The following HCN1 variants were observed in gnomAD, a reference collection of about 807,000 sequenced individuals.
HCN1 encodes hyperpolarization activated cyclic nucleotide gated potassium channel 1, also known as potassium/sodium hyperpolarization-activated cyclic nucleotide-gated channel 1.
Under a neutral mutation model 78.9 loss-of-function variants are expected in HCN1, and 13 were observed. The observed-to-expected ratio is 0.16, with a 90% confidence interval of 0.11 to 0.26. The LOEUF is 0.26. Ranked by LOEUF, HCN1 falls within the 10% of genes least tolerant of loss-of-function variation. The pLI is 1.00. For synonymous variants in HCN1, 552 were observed against 455.5 expected, an observed-to-expected ratio of 1.21 and a Z score of -2.70; for missense variants, 810 against 1,154.3, an observed-to-expected ratio of 0.70 and a Z score of 4.32.
intron 3 of HCN1, among the ~76,000 whole-genome samples, chr5:45,414,876 A>C (rs570096130): frequency 1.3e-5 from 2 of 152,168 alleles, no homozygotes; most frequent in South Asian, 4.1e-4. Flanking sequence ...GCCATATGTA[A>C]AATGACTTGG....
intron 2 of HCN1, among the ~76,000 whole-genome samples, chr5:45,601,683 T>C (rs2111964907): frequency 6.6e-6 from 1 of 152,242 alleles, no homozygotes; most frequent in South Asian, 2.1e-4. Context: ...TTAGTTGTAT[T>C]CAGGCATTCT....
intron 4 of HCN1, among the ~76,000 whole-genome samples, chr5:45,371,524 C>T (rs1274992370): frequency 2.0e-5 from 3 of 151,392 alleles, no homozygotes; most frequent in Admixed American, 6.6e-5. Flanking sequence ...TTTGGGAAGC[C>T]GAGGTGGACA....
At chr5:45,618,025 AT>A (rs1469769437) in intron 2 of HCN1, among the ~76,000 whole-genome samples, 10 of 136,586 alleles carry the variant, frequency 7.3e-5, no homozygotes, top group African/African-American at 2.2e-4. Flanking sequence ...TCAGGAGCTC[AT>A]TATACTAGAA....
intron 3 of HCN1, among the ~76,000 whole-genome samples, chr5:45,445,315 C>T (rs995368654): frequency 3.9e-5 from 6 of 152,096 alleles, no homozygotes; most frequent in East Asian, 1.9e-4. Flanking sequence ...AACTGCAAGG[C>T]GGCAGTGAGG....
intron 6 of HCN1, among the ~76,000 whole-genome samples, chr5:45,289,944 AT>A (rs1431223485): frequency 6.6e-6 from 1 of 151,734 alleles, no homozygotes; most frequent in Non-Finnish European, 1.5e-5. Flanking sequence ...GCCTGTTTAT[AT>A]TGGGGCATGA....
intron 2 of HCN1, among the ~76,000 whole-genome samples, chr5:45,577,970 C>CA (rs1264491304): frequency 6.6e-6 from 1 of 151,954 alleles, no homozygotes; most frequent in African/African-American, 2.4e-5. Context: ...ATCTGTAATT[C>CA]ATGGTTTTTG....
At chr5:45,373,416 T>C (rs1010463355) in intron 4 of HCN1, among the ~76,000 whole-genome samples, 1 of 134,510 alleles carries the variant, frequency 7.4e-6, no homozygotes, top group African/African-American at 2.7e-5. Context: ...AAATATATTA[T>C]AATATATATC....
rs745670367 is a variant in HCN1 at position 45,696,213 on chromosome 5, C to CGCGGCG, written c.-126_-121dup. The CGCGGCG allele has an allele frequency of 2.1e-4, 86 of 407,242 alleles. 1 individual carries two copies. The highest frequency in any genetic ancestry group is 4.4e-4 in the African/African-American group (20 of 45,646). 25.2% of individuals were successfully genotyped at this position (407,242 alleles called of 1,614,324 possible). A position where few individuals can be genotyped will look rare whatever the true frequency, so the allele number is the denominator to read the frequency against. The stretch of plus-strand genomic sequence containing the variant: ...GCTGCCGGCGAGCCCAGCTGCCCGT[C>CGCGGCG]GCGGCGGCGGCGGCGGCGGCGGCGG... On this transcript the variant is annotated 5_prime_UTR_variant, in exon 1 of 8. Coordinates refer to ENST00000303230, the MANE Select transcript of HCN1 (RefSeq NM_021072.4).
chr5:45,665,260 G>C (rs1193274243), intron 1 of HCN1, among the ~76,000 whole-genome samples: 1 of 141,660 alleles, frequency 7.1e-6, no homozygotes, highest in Non-Finnish European at 1.5e-5. Flanking sequence ...AGAACACATG[G>C]ACACAGGAAG....
rs558591633 is a variant in HCN1 at position 45,500,757 on chromosome 5, C to T, written c.850-38750G>A. On this transcript the variant is annotated intron_variant, in intron 2 of 7. Transcript: ENST00000303230. ...AAATTAATAACTCTGGCATACTATC[C>T]TTAATTCATTCTGTTAGGGGATGTA... 1.2e-4 allele frequency among the ~76,000 whole-genome samples: 18 copies of T among 152,202 alleles called. No homozygotes were observed. In the East Asian group the frequency reaches 3.5e-3, roughly 29 times the overall value.
intron 4 of HCN1, among the ~76,000 whole-genome samples, chr5:45,380,822 G>T (rs908809296): frequency 6.6e-6 from 1 of 152,062 alleles, no homozygotes; most frequent in African/African-American, 2.4e-5. Context: ...AAACTTTCTG[G>T]AACCACGAGA....
At chr5:45,684,750 T>C (rs1300606472) in intron 1 of HCN1, among the ~76,000 whole-genome samples, 1 of 152,138 alleles carries the variant, frequency 6.6e-6, no homozygotes, top group Non-Finnish European at 1.5e-5. Context: ...TAATTCCAGT[T>C]ACTCTGGAAG....
At chr5:45,351,230 C>T (rs1029199106) in intron 5 of HCN1, among the ~76,000 whole-genome samples, 23 of 151,790 alleles carry the variant, frequency 1.5e-4, no homozygotes, top group African/African-American at 5.3e-4. Flanking sequence ...CGCATATCTA[C>T]AACTATCTGA....
chr5:45,267,269 A>G lies in HCN1; in HGVS notation c.1619-16T>C, dbSNP rs1744876831. 6.2e-7 allele frequency: 1 copy of G among 1,612,634 alleles called. No individual in the cohort carries two copies. The highest frequency in any genetic ancestry group is 8.5e-7 in the Non-Finnish European group (1 of 1,178,770). On this transcript the variant is annotated splice_polypyrimidine_tract_variant and intron_variant, in intron 6 of 7. Transcript: ENST00000303230. ...AGGCAAATCTCTATAAAAACAAACA[A>G]CAAAGAAGAATGACTTGTTTGATCA...
chr5:45,550,712 A>T (rs1743348787), intron 2 of HCN1, among the ~76,000 whole-genome samples: 1 of 152,022 alleles, frequency 6.6e-6, no homozygotes, highest in African/African-American at 2.4e-5. Context: ...TCATTGTGAA[A>T]CACATATATT....
chr5:45,298,670 G>A (rs1007550716), intron 6 of HCN1, among the ~76,000 whole-genome samples: 5 of 151,934 alleles, frequency 3.3e-5, no homozygotes, highest in Non-Finnish European at 5.9e-5. Context: ...TAATGAAAGA[G>A]AATAGGTAAA....
chr5:45,531,502 C>T (rs1286620312), intron 2 of HCN1, among the ~76,000 whole-genome samples: 2 of 152,140 alleles, frequency 1.3e-5, no homozygotes, highest in African/African-American at 4.8e-5. Context: ...TTTTAAAGAA[C>T]ACCCTCTGTT....
At chr5:45,526,555 G>A (rs1399244715) in intron 2 of HCN1, among the ~76,000 whole-genome samples, 1 of 152,052 alleles carries the variant, frequency 6.6e-6, no homozygotes, top group Non-Finnish European at 1.5e-5. Context: ...TGTGCCTACT[G>A]ACCCAGCCAA....
At position 45,372,668 on chromosome 5, in the gene HCN1, A is replaced by AC. The variant is rs1475536220; in HGVS notation, c.1231-19423_1231-19422insG. On this transcript the variant is annotated intron_variant, in intron 4 of 7. Coordinates refer to ENST00000303230, the MANE Select transcript of HCN1 (RefSeq NM_021072.4). ...AAAAATATATAAAACATTTATATAT[A>AC]AAAATATAAAATATTTATATATAAA... 1.6e-4 allele frequency among the ~76,000 whole-genome samples: 11 copies of AC among 69,042 alleles called. 2 individuals are homozygous for AC. The highest frequency in any genetic ancestry group is 1.6e-3 in the African/African-American group (11 of 6,930). 45.3% of individuals were successfully genotyped at this position (69,042 alleles called of 152,430 possible). A position where few individuals can be genotyped will look rare whatever the true frequency, so the allele number is the denominator to read the frequency against.
Sources: gnomAD v4.1 joint callset for allele counts (sites outside exome capture counted in the v4.1 genomes callset) on GRCh38, gnomAD v4.1.1 for gene constraint, MANE v1.5 for transcripts, NCBI Gene and HGNC (gene_info 2026-07-23, HGNC 2026-07-21) for gene names.